GABBR2: variants seen among roughly 807,000 people sequenced by gnomAD.
GABBR2 encodes the protein G-protein coupled receptor 51.
A neutral mutation model predicts 105.6 loss-of-function variants in GABBR2; 23 were observed. The ratio of observed to expected loss-of-function variants is 0.22; its 90% confidence interval spans 0.16 to 0.31. The LOEUF is 0.31. Ranked by LOEUF, GABBR2 falls within the 10% of genes least tolerant of loss-of-function variation. The pLI, the probability that GABBR2 is intolerant of heterozygous loss-of-function variation, is 1.00. For missense variants in GABBR2, 734 were observed against 1,245.5 expected, an observed-to-expected ratio of 0.59 and a Z score of 6.18; for synonymous variants, 478 against 499.7, an observed-to-expected ratio of 0.96 and a Z score of 0.58.
intron 11 of GABBR2, among the ~76,000 whole-genome samples, chr9:98,382,877 C>G (rs553918907): frequency 9.5e-4 from 144 of 152,342 alleles, no homozygotes; most frequent in African/African-American, 3.1e-3. Context: ...CTTCACACTT[C>G]CACTAAAACT....
intron 4 of GABBR2, among the ~76,000 whole-genome samples, chr9:98,485,044 T>C (rs1261883049): frequency 6.6e-6 from 1 of 151,976 alleles, no homozygotes; most frequent in Non-Finnish European, 1.5e-5. Flanking sequence ...CAGTGACAGA[T>C]CAGAGCTGTG....
chr9:98,441,290 T>C (rs1178086673), intron 7 of GABBR2, among the ~76,000 whole-genome samples: 1 of 145,378 alleles, frequency 6.9e-6, no homozygotes, highest in Non-Finnish European at 1.5e-5. Flanking sequence ...TAATAAATAA[T>C]AGCTAAATAA....
rs775787634 is a variant in GABBR2 at position 98,385,788 on chromosome 9, G to T, written c.1530-16C>A. ...CTTTATGAGCCTGACAAGAGAAAGAGACAATAGATTTAACAGAATGGTTAA... is the reference window on the plus strand; with the variant it reads ...CTTTATGAGCCTGACAAGAGAAAGATACAATAGATTTAACAGAATGGTTAA... On this transcript the variant is annotated splice_polypyrimidine_tract_variant and intron_variant, in intron 10 of 18. Transcript: ENST00000259455. The T allele has an allele frequency of 4.4e-6, 7 of 1,601,218 alleles. No homozygotes were observed. The highest frequency in any genetic ancestry group is 4.3e-6 in the Non-Finnish European group (5 of 1,168,770).
intron 3 of GABBR2, among the ~76,000 whole-genome samples, chr9:98,517,730 G>A (rs776126872): frequency 6.6e-6 from 1 of 152,218 alleles, no homozygotes; most frequent in Non-Finnish European, 1.5e-5. Context: ...CATGGAATTA[G>A]AACTTTCAGA....
chr9:98,532,212 G>A (rs1488938343), intron 3 of GABBR2, among the ~76,000 whole-genome samples: 2 of 152,134 alleles, frequency 1.3e-5, no homozygotes, highest in African/African-American at 4.8e-5. Context: ...CCCTTCAAAT[G>A]CCAAAGAGGC....
intron 13 of GABBR2, among the ~76,000 whole-genome samples, chr9:98,348,828 T>A (rs1017292605): frequency 5.3e-5 from 8 of 152,160 alleles, no homozygotes; most frequent in Non-Finnish European, 1.2e-4. Flanking sequence ...TTTGGTGGAG[T>A]CTTTAGGTTT....
intron 3 of GABBR2, among the ~76,000 whole-genome samples, chr9:98,528,029 T>C (rs1301104973): frequency 1.3e-5 from 2 of 152,200 alleles, no homozygotes; most frequent in Non-Finnish European, 2.9e-5. Flanking sequence ...GTTGAAATGA[T>C]AGCATTTTGG....
chr9:98,701,011 C>G (rs530936273), intron 1 of GABBR2, among the ~76,000 whole-genome samples: 1 of 152,306 alleles, frequency 6.6e-6, no homozygotes, highest in East Asian at 1.9e-4. Flanking sequence ...GTTAGTGCAG[C>G]ATAGCCTCAC....
At chr9:98,459,627 T>C (rs1255778422) in intron 6 of GABBR2, among the ~76,000 whole-genome samples, 1 of 152,166 alleles carries the variant, frequency 6.6e-6, no homozygotes, top group Non-Finnish European at 1.5e-5. Flanking sequence ...TTAAGCTGCA[T>C]AAAGCAAGAG....
chr9:98,622,339 A>AT (rs1317884957), intron 1 of GABBR2, among the ~76,000 whole-genome samples: 1 of 151,950 alleles, frequency 6.6e-6, no homozygotes, highest in Non-Finnish European at 1.5e-5. Context: ...TAATTTTTGT[A>AT]TTTTTTTGTA....
chr9:98,421,043 C>A (rs1398898021), intron 7 of GABBR2, among the ~76,000 whole-genome samples: 1 of 152,138 alleles, frequency 6.6e-6, no homozygotes, highest in East Asian at 1.9e-4. Flanking sequence ...AACAAACAAG[C>A]CAGTAGAAGA....
At chr9:98,524,392 A>C (rs1239901517) in intron 3 of GABBR2, among the ~76,000 whole-genome samples, 1 of 152,238 alleles carries the variant, frequency 6.6e-6, no homozygotes, top group Non-Finnish European at 1.5e-5. Flanking sequence ...AAAAAAATAG[A>C]TGAATTGGTT....
chr9:98,360,476 T>A (rs1457454599), intron 13 of GABBR2, among the ~76,000 whole-genome samples: 1 of 152,144 alleles, frequency 6.6e-6, no homozygotes. Flanking sequence ...AGGAACAGCC[T>A]ATCTGGGCCT....
At chr9:98,407,847 C>G (rs1302001715) in intron 7 of GABBR2, among the ~76,000 whole-genome samples, 1 of 152,146 alleles carries the variant, frequency 6.6e-6, no homozygotes, top group East Asian at 1.9e-4. Flanking sequence ...CAAAACTAGT[C>G]CACCTTTGAA....
chr9:98,400,197 AAAAAAAAAAG>A (rs1832369460), intron 8 of GABBR2, among the ~76,000 whole-genome samples: 2 of 137,450 alleles, frequency 1.5e-5, no homozygotes, highest in African/African-American at 3.2e-5. Flanking sequence ...TTTTTTTTTT[AAAAAAAAAAG>A]AAAAAAAGAA....
intron 1 of GABBR2, among the ~76,000 whole-genome samples, chr9:98,618,133 C>T (rs1266769729): frequency 6.6e-6 from 1 of 152,206 alleles, no homozygotes; most frequent in Non-Finnish European, 1.5e-5. Context: ...GTCCCCATGG[C>T]TGTCAGGCTC....
At position 98,573,004 on chromosome 9, in the gene GABBR2, G is replaced by A. The variant is rs568024946; in HGVS notation, c.459+4931C>T. ...GAAAATGCAGAGCGATTCTGTGGAG[G>A]TGGAGGCTGAGATTCTGCATGGTCC... On this transcript the variant is annotated intron_variant, in intron 2 of 18. Transcript: ENST00000259455. 9.3e-4 allele frequency among the ~76,000 whole-genome samples: 142 copies of A among 152,328 alleles called. 1 individual carries two copies. In the Middle Eastern group the frequency reaches 0.017, roughly 18 times the overall value.
intron 12 of GABBR2, among the ~76,000 whole-genome samples, chr9:98,364,128 G>A (rs570463606): frequency 2.0e-5 from 3 of 152,270 alleles, no homozygotes; most frequent in South Asian, 2.1e-4. Context: ...CAGCAAAACC[G>A]CTGTACCTGG....
chr9:98,558,787 C>A (rs947947899), intron 2 of GABBR2, among the ~76,000 whole-genome samples: 1 of 152,222 alleles, frequency 6.6e-6, no homozygotes, highest in African/African-American at 2.4e-5. Flanking sequence ...TCCATTGACA[C>A]CGAGTTCTGT....
Sources: allele counts gnomAD v4.1 joint callset (sites outside exome capture counted in the v4.1 genomes callset), GRCh38; gene constraint gnomAD v4.1.1; transcripts MANE v1.5; gene names NCBI Gene and HGNC (gene_info 2026-07-23, HGNC 2026-07-21).